Variants in CLVS1 observed in about 807,000 individuals in gnomAD.
CLVS1 encodes the protein clavesin-1.
A neutral mutation model predicts 33.1 loss-of-function variants in CLVS1; 10 were observed. The ratio of observed to expected loss-of-function variants is 0.30; its 90% confidence interval spans 0.19 to 0.51. The LOEUF is 0.51. Ranked by LOEUF, CLVS1 falls within the 20% of genes least tolerant of loss-of-function variation. The probability of loss-of-function intolerance (pLI) is 0.97; values close to 1 mark genes in which losing one functional copy is unlikely to be tolerated. For missense variants in CLVS1, 343 were observed against 433.4 expected, an observed-to-expected ratio of 0.79 and a Z score of 1.85; for synonymous variants, 163 against 166.1, an observed-to-expected ratio of 0.98 and a Z score of 0.14.
At chr8:61,469,289 C>T (rs972656360) in intron 5 of CLVS1, among the ~76,000 whole-genome samples, 4 of 152,204 alleles carry the variant, frequency 2.6e-5, no homozygotes, top group Admixed American at 6.5e-5. Context: ...CCTAAATTGG[C>T]ATGACATATG....
At chr8:61,166,031 GTTT>G (rs71245557) in intron 2 of CLVS1, among the ~76,000 whole-genome samples, 2 of 108,370 alleles carry the variant, frequency 1.8e-5, no homozygotes, top group African/African-American at 3.3e-5. Context: ...GCATCTAAGC[GTTT>G]TTTTTTTTTT....
In CLVS1 at chr8:61,395,217, TATC is replaced by T. The variant is rs749776657; in HGVS notation, c.630+18441_630+18443del. On this transcript the variant is annotated intron_variant, in intron 3 of 5. Coordinates refer to ENST00000325897, the MANE Select transcript of CLVS1 (RefSeq NM_173519.3). Reference sequence around the variant, plus strand: ...AATAAGCCAGGGACAGAAAGACAAATATCATATGAAGTCACATGTGGAAACTCA... The same window carrying T: ...AATAAGCCAGGGACAGAAAGACAAATATATGAAGTCACATGTGGAAACTCA... Among the ~76,000 whole-genome samples, 10 of 152,166 alleles carry T rather than the reference TATC, an allele frequency of 6.6e-5. No individual in the cohort carries two copies. The East Asian group carries it at 1.4e-3, about 21-fold the overall frequency.
At chr8:61,189,233 A>G (rs539965816) in intron 2 of CLVS1, among the ~76,000 whole-genome samples, 2 of 152,334 alleles carry the variant, frequency 1.3e-5, no homozygotes, top group Admixed American at 1.3e-4. Flanking sequence ...ATTCTTAAAG[A>G]GAAGAATTTT....
At chr8:61,056,554 C>T (rs528628370), upstream of CLVS1, among the ~76,000 whole-genome samples, 1 of 152,294 alleles carries the variant, frequency 6.6e-6, no homozygotes, top group Admixed American at 6.5e-5. Context: ...CTCTCTCTAA[C>T]ACCTTCATAT....
intron 2 of CLVS1, among the ~76,000 whole-genome samples, chr8:61,346,356 G>C (rs1490010634): frequency 6.6e-6 from 1 of 152,058 alleles, no homozygotes; most frequent in Non-Finnish European, 1.5e-5. Flanking sequence ...AAGTCTCCTT[G>C]GTCTGAAAGA....
chr8:61,093,743 C>T (rs547350929), intron 1 of CLVS1, among the ~76,000 whole-genome samples: 1 of 152,232 alleles, frequency 6.6e-6, no homozygotes, highest in African/African-American at 2.4e-5. Flanking sequence ...ACCCCTCCCC[C>T]CAGCAAGAAA....
At chr8:61,095,471 G>A (rs1233368986) in intron 1 of CLVS1, among the ~76,000 whole-genome samples, 2 of 152,152 alleles carry the variant, frequency 1.3e-5, no homozygotes, top group African/African-American at 2.4e-5. Context: ...CACAGGGCGC[G>A]CCTAGGAGGT....
chr8:61,415,938 G>T (rs565343251), intron 3 of CLVS1, among the ~76,000 whole-genome samples: 2 of 152,250 alleles, frequency 1.3e-5, no homozygotes, highest in African/African-American at 4.8e-5. Flanking sequence ...CCCTGCACTA[G>T]AACCTGACCA....
At chr8:61,161,473 A>C (rs1481644671) in intron 2 of CLVS1, among the ~76,000 whole-genome samples, 1 of 152,230 alleles carries the variant, frequency 6.6e-6, no homozygotes, top group East Asian at 1.9e-4. Context: ...AGCCTTAAAA[A>C]AGAAGAAAAT....
At chr8:61,218,636 TA>T (rs113600902) in intron 2 of CLVS1, among the ~76,000 whole-genome samples, 8 of 145,306 alleles carry the variant, frequency 5.5e-5, no homozygotes, top group Non-Finnish European at 1.2e-4. Context: ...TATATGTCAA[TA>T]AAAAAAAAAC....
the CLVS1 span, among the ~76,000 whole-genome samples, chr8:61,046,392 C>G: frequency 6.9e-6 from 1 of 145,852 alleles, no homozygotes; most frequent in Non-Finnish European, 1.5e-5. Context: ...GTTACTGTAG[C>G]CTTGTAGTAT....
chr8:61,483,455 C>A (rs915084190), intron 5 of CLVS1, among the ~76,000 whole-genome samples: 2 of 152,198 alleles, frequency 1.3e-5, no homozygotes, highest in South Asian at 2.1e-4. Flanking sequence ...AATTAATAGC[C>A]TACCAACCAA....
At chr8:61,060,608 C>A (rs1339276578) in intron 1 of CLVS1, among the ~76,000 whole-genome samples, 1 of 152,222 alleles carries the variant, frequency 6.6e-6, no homozygotes, top group Non-Finnish European at 1.5e-5. Flanking sequence ...TAAGTGCCCA[C>A]AGCGCCCCTT....
intron 1 of CLVS1, among the ~76,000 whole-genome samples, chr8:61,104,373 G>T (rs1469213125): frequency 6.6e-6 from 1 of 152,086 alleles, no homozygotes; most frequent in Non-Finnish European, 1.5e-5. Context: ...GAGATATATA[G>T]GTAGCGTGTA....
At chr8:61,307,659 C>T (rs1285868716) in intron 2 of CLVS1, among the ~76,000 whole-genome samples, 1 of 152,190 alleles carries the variant, frequency 6.6e-6, no homozygotes, top group African/African-American at 2.4e-5. Flanking sequence ...GTAAAGAAAG[C>T]ATGCTTACAT....
chr8:61,053,146 G>A (rs1804414826), upstream of CLVS1, among the ~76,000 whole-genome samples: 2 of 152,166 alleles, frequency 1.3e-5, no homozygotes, highest in Admixed American at 6.5e-5. Context: ...GGCTGAATGT[G>A]TTCATTTCAG....
chr8:61,458,632 T>A, intron 5 of CLVS1, 90 bp downstream of exon 5: 2 of 806,312 alleles, frequency 2.5e-6, no homozygotes, highest in Non-Finnish European at 3.9e-6. Context: ...ATTAAAGACC[T>A]TTATGGGCAG....
chr8:61,438,044 G>T (rs761154824), intron 3 of CLVS1, among the ~76,000 whole-genome samples: 1 of 152,136 alleles, frequency 6.6e-6, no homozygotes, highest in Non-Finnish European at 1.5e-5. Flanking sequence ...TTAATTTTAA[G>T]TTATGGGGTA....
intron 2 of CLVS1, among the ~76,000 whole-genome samples, chr8:61,365,256 G>A (rs771449455): frequency 3.3e-5 from 5 of 152,130 alleles, no homozygotes; most frequent in Non-Finnish European, 5.9e-5. Context: ...GGCCAGGTGC[G>A]TTGGCTCACG....
Sources: gnomAD v4.1 joint callset for allele counts (sites outside exome capture counted in the v4.1 genomes callset) on GRCh38, gnomAD v4.1.1 for gene constraint, MANE v1.5 for transcripts, NCBI Gene and HGNC (gene_info 2026-07-23, HGNC 2026-07-21) for gene names.